PPP4R3B: variants seen among roughly 807,000 people sequenced by gnomAD.
PPP4R3B encodes serine/threonine-protein phosphatase 4 regulatory subunit 3B.
A neutral mutation model predicts 95.4 loss-of-function variants in PPP4R3B; 52 were observed. The ratio of observed to expected loss-of-function variants is 0.54; its 90% CI spans 0.44 to 0.69. The LOEUF is 0.69. PPP4R3B is among the 30% of genes least tolerant of loss of function. The pLI, the probability that PPP4R3B is intolerant of heterozygous loss-of-function variation, is 0.00. For synonymous variants in PPP4R3B, 407 were observed against 343.9 expected, an observed-to-expected ratio of 1.18 and a Z score of -2.03; for missense variants, 1,003 against 1,005.9, an observed-to-expected ratio of 1.00 and a Z score of 0.04.
chr2:55,582,180 C>T (rs1689531046), intron 7 of PPP4R3B, among the ~76,000 whole-genome samples: 1 of 152,158 alleles, frequency 6.6e-6, no homozygotes. Context: ...ACCCAGTACA[C>T]AACTCTTCAT....
chr2:55,612,825 A>T lies in PPP4R3B; in HGVS notation c.198+2626T>A, dbSNP rs373520225. On this transcript the variant is annotated intron_variant, in intron 2 of 16. Transcript: ENST00000616407. ...ACTGGGCGTGGTGGCGGGCGCCTGTAGTCCCAACTACTTGGGAGGCTGAGG... is the reference window on the plus strand; with the variant it reads ...ACTGGGCGTGGTGGCGGGCGCCTGTTGTCCCAACTACTTGGGAGGCTGAGG... Among the ~76,000 whole-genome samples the T allele has an allele frequency of 3.1e-4, 47 of 152,226 alleles. 1 individual carries two copies. The South Asian group carries it at 9.1e-3, about 30-fold the overall frequency.
At chr2:55,572,434 G>T (rs923817356) in intron 12 of PPP4R3B, among the ~76,000 whole-genome samples, 1 of 152,052 alleles carries the variant, frequency 6.6e-6, no homozygotes, top group African/African-American at 2.4e-5. Context: ...AAGATAACTG[G>T]CAATTCACAA....
intron 7 of PPP4R3B, among the ~76,000 whole-genome samples, chr2:55,584,206 C>G (rs1280167388): frequency 6.6e-6 from 1 of 152,030 alleles, no homozygotes; most frequent in Non-Finnish European, 1.5e-5. Flanking sequence ...AAAACTGAGG[C>G]ATTTTTAATA....
At chr2:55,615,326 T>A in intron 2 of PPP4R3B, 125 bp downstream of exon 2, 1 of 751,816 alleles carries the variant, frequency 1.3e-6, no homozygotes, top group South Asian at 1.6e-5. Context: ...GCAAGAGAAA[T>A]ACACATGATC....
At position 55,585,018 on chromosome 2, in the gene PPP4R3B, T is replaced by A. The variant is rs766525157; in HGVS notation, c.1233+33A>T. ...TTGCAAACACTACTCACTCTACAGGTAATTCACATAGAACCACAGCATTAT... is the reference window on the plus strand; with the variant it reads ...TTGCAAACACTACTCACTCTACAGGAAATTCACATAGAACCACAGCATTAT... On this transcript the variant is annotated intron_variant, in intron 7 of 16. Coordinates refer to ENST00000616407, the MANE Select transcript of PPP4R3B (RefSeq NM_001122964.3). 9.3e-5 allele frequency: 135 copies of A among 1,456,630 alleles called. 1 individual carries two copies. The highest frequency in any genetic ancestry group is 1.3e-4 in the Non-Finnish European group (131 of 1,043,618). 90.2% of individuals were successfully genotyped at this position (1,456,630 alleles called of 1,614,324 possible).
At chr2:55,596,686 G>A (rs973351546) in intron 4 of PPP4R3B, among the ~76,000 whole-genome samples, 6 of 152,376 alleles carry the variant, frequency 3.9e-5, no homozygotes, top group African/African-American at 1.4e-4. Flanking sequence ...GCATTGGCCA[G>A]GTGCAGTGGC....
Position 55,612,004 on chromosome 2 carries a change from A to G in PPP4R3B, c.198+3447T>C, listed in dbSNP as rs1694234852. Among the ~76,000 whole-genome samples the G allele has an allele frequency of 2.6e-5, 4 of 152,280 alleles. No individual in the cohort carries two copies. The South Asian group carries it at 8.3e-4, about 32-fold the overall frequency. On this transcript the variant is annotated intron_variant, in intron 2 of 16. Transcript: ENST00000616407. Reference sequence around the variant, plus strand: ...TGCCTTGGCCTTCCAAAGTGCTGAGATTGCAGGTGTGAGCCACCATGCCTG... The same window carrying G: ...TGCCTTGGCCTTCCAAAGTGCTGAGGTTGCAGGTGTGAGCCACCATGCCTG...
At position 55,549,825 on chromosome 2, in the gene PPP4R3B, G is replaced by T; in HGVS notation, c.*86C>A. The T allele has an allele frequency of 9.9e-7, 1 of 1,012,634 alleles. No homozygotes were observed. 62.7% of individuals were successfully genotyped at this position (1,012,634 alleles called of 1,614,324 possible). A position where few individuals can be genotyped will look rare whatever the true frequency, so the allele number is the denominator to read the frequency against. ...CCTTGTATATTTTATAAGTTCAATT[G>T]AGAAAGCTTTCTGATTCAGATTTTC... On this transcript the variant is annotated 3_prime_UTR_variant, in exon 17 of 17. Transcript: ENST00000616407.
In PPP4R3B at chr2:55,598,918, T is replaced by C. The variant is rs1692178719; in HGVS notation, c.419A>G (p.Asn140Ser). 1.2e-6 allele frequency: 2 copies of C among 1,614,200 alleles called. No homozygotes were observed. Among genetic ancestry groups the C allele is most frequent in the Non-Finnish European group, 8.5e-7 (1 of 1,180,016 alleles). The change falls in exon 4 of 17, where the codon AAT (asparagine) becomes AGT (serine). Residue 140 changes from asparagine (N) to serine (S), a missense_variant. Coordinates refer to ENST00000616407, the MANE Select transcript of PPP4R3B (RefSeq NM_001122964.3). ...HLIDLPTCEL[N>S]KLEEIADLVT... Reference sequence around the variant, plus strand: ...TAAGTCAGCAATCTCTTCAAGTTTATTGAGTTCACATGTGGGCAGGTCAAT... The same window carrying C: ...TAAGTCAGCAATCTCTTCAAGTTTACTGAGTTCACATGTGGGCAGGTCAAT...
chr2:55,555,758 T>A (rs1372443601), intron 16 of PPP4R3B, among the ~76,000 whole-genome samples: 1 of 152,178 alleles, frequency 6.6e-6, no homozygotes, highest in Non-Finnish European at 1.5e-5. Context: ...AATTGTTATA[T>A]CCATACTTTT....
At chr2:55,550,875 C>A (rs890895802) in intron 16 of PPP4R3B, among the ~76,000 whole-genome samples, 1 of 152,110 alleles carries the variant, frequency 6.6e-6, no homozygotes, top group Non-Finnish European at 1.5e-5. Context: ...GGCCTCTGGG[C>A]AGCTAGAAAC....
intron 11 of PPP4R3B, among the ~76,000 whole-genome samples, chr2:55,574,168 C>T (rs375319334): frequency 2.4e-4 from 37 of 151,818 alleles, no homozygotes; most frequent in African/African-American, 8.5e-4. Context: ...GCTGGGATTA[C>T]AAGTGTAAGC....
At chr2:55,586,525 T>C (rs542978226) in intron 6 of PPP4R3B, 93 bp downstream of exon 6, 15 of 669,116 alleles carry the variant, frequency 2.2e-5, no homozygotes, top group South Asian at 1.4e-4. Flanking sequence ...AACTATAGAA[T>C]TGAATATACA....
intron 3 of PPP4R3B, among the ~76,000 whole-genome samples, chr2:55,599,463 AAAAT>A (rs1415871525): frequency 2.6e-5 from 4 of 152,104 alleles, no homozygotes; most frequent in South Asian, 2.1e-4. Context: ...AAATTAAAAT[AAAAT>A]AAATAAATAA....
chr2:55,552,215 T>C (rs948252736), intron 16 of PPP4R3B, among the ~76,000 whole-genome samples: 4 of 152,208 alleles, frequency 2.6e-5, no homozygotes, highest in African/African-American at 9.6e-5. Flanking sequence ...GCCTGTAATC[T>C]AGAGATGCAC....
rs565094298 is a variant in PPP4R3B at position 55,579,040 on chromosome 2, A to G, written c.1468+639T>C. Among the ~76,000 whole-genome samples the G allele has an allele frequency of 5.6e-4, 85 of 152,222 alleles. No homozygotes were observed. In the Middle Eastern group the frequency reaches 0.01, roughly 18 times the overall value. Reference sequence around the variant, plus strand: ...AATTGCCTCCAAATTAGATACATGCAACTATAATTACCTAGAGGGATATAC... The same window carrying G: ...AATTGCCTCCAAATTAGATACATGCGACTATAATTACCTAGAGGGATATAC... On this transcript the variant is annotated intron_variant, in intron 9 of 16. Transcript: ENST00000616407.
At chr2:55,572,094 C>A (rs1296474032) in intron 12 of PPP4R3B, among the ~76,000 whole-genome samples, 1 of 152,160 alleles carries the variant, frequency 6.6e-6, no homozygotes, top group East Asian at 1.9e-4. Flanking sequence ...AGGAAACACT[C>A]ATTTCAAACA....
chr2:55,604,541 G>A (rs1693114625), intron 2 of PPP4R3B, among the ~76,000 whole-genome samples: 1 of 150,662 alleles, frequency 6.6e-6, no homozygotes, highest in Admixed American at 6.6e-5. Context: ...TTATATATCT[G>A]GAAAAGACTT....
At chr2:55,550,904 T>C (rs746453052) in intron 16 of PPP4R3B, among the ~76,000 whole-genome samples, 1 of 152,198 alleles carries the variant, frequency 6.6e-6, no homozygotes, top group Non-Finnish European at 1.5e-5. Context: ...GAAAGACTTA[T>C]ATACCTGTCT....
Sources: allele counts gnomAD v4.1 joint callset (sites outside exome capture counted in the v4.1 genomes callset), GRCh38; gene constraint gnomAD v4.1.1; transcripts MANE v1.5; gene names NCBI Gene and HGNC (gene_info 2026-07-23, HGNC 2026-07-21).